The following BEST1 variants were observed in gnomAD, a reference collection of about 807,000 sequenced individuals.
The protein encoded by BEST1 is bestrophin-1.
In BEST1, 58 loss-of-function variants were observed where a neutral mutation model predicts 63.3. The ratio of observed to expected loss-of-function variants is 0.92; its 90% CI spans 0.74 to 1.14. The LOEUF (loss-of-function observed/expected upper bound fraction) is 1.14, where lower values mean the gene tolerates loss of function less well. Among genes scored for constraint, BEST1 ranks in the 50% most tolerant of loss-of-function variants. The probability of loss-of-function intolerance (pLI) is 0.00; values close to 1 mark genes in which losing one functional copy is unlikely to be tolerated. For missense variants in BEST1, 671 were observed against 740.1 expected (o/e 0.91, Z 1.08); for synonymous variants, 283 against 291.6 (o/e 0.97, Z 0.30).
intron 4 of BEST1, 90 bp downstream of exon 4, chr11:61,956,041 T>A (rs1193044578): frequency 7.9e-7 from 1 of 1,273,302 alleles, no homozygotes; most frequent in Non-Finnish European, 1.1e-6. Flanking sequence ...GGAGCCAAAG[T>A]CCCCCGGACT....
At chr11:61,957,965 C>T (rs1378224463) in intron 6 of BEST1, among the ~76,000 whole-genome samples, 181 bp from the exon 7 acceptor site, 4 of 130,414 alleles carry the variant, frequency 3.1e-5, no homozygotes, top group Admixed American at 7.9e-5. Context: ...CACAGCAAGA[C>T]TCTGTCTCAA....
At position 61,955,965 on chromosome 11, in the gene BEST1, G is replaced by T. The variant is rs1406799621; in HGVS notation, c.481+14G>T. ...TGGTGCAAGCAGGTGGGCGGACCGG[G>T]AGCAACGGGGAGGCACCGGGCAGAG... On this transcript the variant is annotated intron_variant, in intron 4 of 10. Coordinates refer to ENST00000378043, the MANE Select transcript of BEST1 (RefSeq NM_004183.4). 2 of 1,542,908 alleles carry T rather than the reference G, an allele frequency of 1.3e-6. No individual in the cohort carries two copies. The highest frequency in any genetic ancestry group is 4.9e-5 in the East Asian group (2 of 40,752).
intron 2 of BEST1, among the ~76,000 whole-genome samples, chr11:61,953,039 G>A (rs1940879431): frequency 6.6e-6 from 1 of 152,084 alleles, no homozygotes; most frequent in Non-Finnish European, 1.5e-5. Context: ...TGAGGTCGAG[G>A]CTGCAGTGAG....
chr11:61,950,728 A>T (rs1940565000), intron 1 of BEST1, among the ~76,000 whole-genome samples: 1 of 152,218 alleles, frequency 6.6e-6, no homozygotes, highest in South Asian at 2.1e-4. Flanking sequence ...TTCCATTCTG[A>T]GGAGGAAACA....
chr11:61,964,709 G>C, downstream of BEST1: 4 of 1,597,744 alleles, frequency 2.5e-6, no homozygotes, highest in Non-Finnish European at 3.4e-6. Context: ...CACGGCTATG[G>C]GGAAATTAGC....
rs1186840578 is a variant in BEST1 at position 61,962,636 on chromosome 11, CAT to C, written c.1484_1485del (p.Ile495ArgfsTer19). ...APSKLHSVTG[I>X]DTKDKSLKTV... ...CGTCAAAGCTTCACAGTGTCACAGG[CAT>C]AGACACCAAAGACAAAAGCTTAAAG... is the stretch of plus-strand genomic sequence containing the variant. On this transcript the variant is annotated frameshift_variant, in exon 10 of 11. Coordinates refer to ENST00000378043, the MANE Select transcript of BEST1 (RefSeq NM_004183.4). LOFTEE classifies it high-confidence loss of function. 1.9e-6 allele frequency: 3 copies of C among 1,614,218 alleles called. No individual in the cohort carries two copies. Among genetic ancestry groups the C allele is most frequent in the Non-Finnish European group, 2.5e-6 (3 of 1,180,046 alleles).
chr11:61,959,301 T>C (rs1941778512), intron 7 of BEST1, 197 bp from the exon 8 acceptor site: 1 of 633,948 alleles, frequency 1.6e-6, no homozygotes, highest in South Asian at 1.8e-5. Context: ...CTCAGAAGAG[T>C]TAGAGGGGCT....
rs1240325860 is a variant in BEST1 at position 61,955,102 on chromosome 11, C to T, written c.153-5C>T. The stretch of plus-strand genomic sequence containing the variant: ...ACACAATTCCACCCCCACCCCCACC[C>T]CCAGGCTGGCCCTCACGGAAGAACA... On this transcript the variant is annotated splice_region_variant and splice_polypyrimidine_tract_variant and intron_variant, in intron 2 of 10. Transcript: ENST00000378043. 6.2e-7 allele frequency: 1 copy of T among 1,614,154 alleles called. No individual in the cohort carries two copies.
At chr11:61,958,892 A>C in intron 7 of BEST1, 1 of 102,070 alleles carries the variant, frequency 9.8e-6, no homozygotes, top group South Asian at 1.4e-4. Context: ...ACACACACAC[A>C]CACACACACA....
chr11:61,958,127 A>ATCGTCCTCC lies in BEST1; in HGVS notation c.715-17_715-16insGTCCTCCTC, dbSNP rs1941593470. 7.3e-7 allele frequency: 1 copy of ATCGTCCTCC among 1,366,074 alleles called. No homozygotes were observed. The highest frequency in any genetic ancestry group is 1.5e-5 in the African/African-American group (1 of 68,792). 84.6% of individuals were successfully genotyped at this position (1,366,074 alleles called of 1,614,324 possible). A position where few individuals can be genotyped will look rare whatever the true frequency, so the allele number is the denominator to read the frequency against. On this transcript the variant is annotated intron_variant, in intron 6 of 10. Transcript: ENST00000378043. ...TTCCCACCTAGCCCTTTGCTACCAC[A>ATCGTCCTCC]TCCTCCTCCTCCTCCCAGGTGGTGA...
chr11:61,965,315 T>C (rs973797847), downstream of BEST1: 7 of 1,610,812 alleles, frequency 4.3e-6, no homozygotes, highest in African/African-American at 9.3e-5. Flanking sequence ...TGATTTCTGA[T>C]ACCCGAACAC....
At position 61,957,458 on chromosome 11, in the gene BEST1, T is replaced by C. The variant is rs145909071; in HGVS notation, c.708T>C (p.Tyr236=). Residue 236 remains tyrosine, a synonymous_variant, in exon 6 of 11, where the codon TAT becomes TAC. Transcript: ENST00000378043. ...ACTGGATTAGTATCCCACTGGTGTATACACAGGTGAGGACTAGGCTGGTGA... is the reference window on the plus strand; with the variant it reads ...ACTGGATTAGTATCCCACTGGTGTACACACAGGTGAGGACTAGGCTGGTGA... The part of the protein sequence containing the change: ...AYDWISIPLV[Y]TQVVTVAVYS... 7 of 1,614,016 alleles carry C rather than the reference T, an allele frequency of 4.3e-6. No individual in the cohort carries two copies. Among genetic ancestry groups the C allele is most frequent in the Non-Finnish European group, 3.4e-6 (4 of 1,179,916 alleles).
intron 7 of BEST1, chr11:61,958,575 A>C: frequency 1.3e-6 from 1 of 783,556 alleles, no homozygotes; most frequent in Non-Finnish European, 2.1e-6. Context: ...CAACAACAAC[A>C]ACAAAACAAA....
At chr11:61,963,922 C>G (rs1942336414) in intron 10 of BEST1, 182 bp from the exon 11 acceptor site, 7 of 1,413,974 alleles carry the variant, frequency 5.0e-6, no homozygotes, top group Non-Finnish European at 6.5e-6. Flanking sequence ...TGCTTGAACC[C>G]AGGAGGTGGT....
rs564712171 is a variant in BEST1, at chr11:61,952,090, G to C, written c.152+132G>C. The C allele has an allele frequency of 3.7e-5, 43 of 1,163,554 alleles. No individual in the cohort carries two copies. The South Asian group carries it at 5.4e-4, about 15-fold the overall frequency. The allele number at this position is 1,163,554 out of a possible 1,614,324, so 72.1% of individuals were successfully genotyped here. A position where few individuals can be genotyped will look rare whatever the true frequency, so the allele number is the denominator to read the frequency against. On this transcript the variant is annotated intron_variant, in intron 2 of 10. Coordinates refer to ENST00000378043, the MANE Select transcript of BEST1 (RefSeq NM_004183.4). ...CAAGACTAAGCTGAGCTCCTGACCAGGTCCTGGGCACTGGAGCTGAGGCTG... is the reference window on the plus strand; with the variant it reads ...CAAGACTAAGCTGAGCTCCTGACCACGTCCTGGGCACTGGAGCTGAGGCTG...
At position 61,951,869 on chromosome 11, in the gene BEST1, G is replaced by A; in HGVS notation, c.63G>A (p.Leu21=). 2 of 1,613,990 alleles carry A rather than the reference G, an allele frequency of 1.2e-6. No homozygotes were observed. Among genetic ancestry groups the A allele is most frequent in the Non-Finnish European group, 1.7e-6 (2 of 1,180,030 alleles). Residue 21 remains leucine (L), a synonymous_variant, in exon 2 of 11, where the codon CTG becomes CTA. Coordinates refer to ENST00000378043, the MANE Select transcript of BEST1 (RefSeq NM_004183.4). ...NARLGSFSRL[L]LCWRGSIYKL... is the part of the protein sequence containing the mutation. ...GCTTAGGCTCCTTCTCCCGCCTGCTGCTGTGCTGGCGGGGCAGCATCTACA... is the reference window on the plus strand; with the variant it reads ...GCTTAGGCTCCTTCTCCCGCCTGCTACTGTGCTGGCGGGGCAGCATCTACA...
At chr11:61,953,297 C>T (rs888576115) in intron 2 of BEST1, among the ~76,000 whole-genome samples, 1 of 152,068 alleles carries the variant, frequency 6.6e-6, no homozygotes, top group African/African-American at 2.4e-5. Flanking sequence ...AAGTTAGGGC[C>T]AGCCACAGGG....
intron 9 of BEST1, chr11:61,961,999 C>T (rs530550770): frequency 3.7e-5 from 20 of 545,302 alleles, no homozygotes; most frequent in Middle Eastern, 4.9e-4. Flanking sequence ...ACACGCCAGG[C>T]GGGGTGGTTG....
Position 61,964,103 on chromosome 11 carries a change from G to A in BEST1, c.1740-1G>A, listed in dbSNP as rs565942468. On this transcript the variant is annotated splice_acceptor_variant, in intron 10 of 10. Coordinates refer to ENST00000378043, the MANE Select transcript of BEST1 (RefSeq NM_004183.4). LOFTEE classifies it high-confidence loss of function. ...GCTGTTAATACTTTCATTCTCACTAGGGATGAAGCACATTCCTAACCTGCT... is the reference window on the plus strand; with the variant it reads ...GCTGTTAATACTTTCATTCTCACTAAGGATGAAGCACATTCCTAACCTGCT... 2 of 1,613,948 alleles carry A rather than the reference G, an allele frequency of 1.2e-6. No individual in the cohort carries two copies. Among genetic ancestry groups the A allele is most frequent in the East Asian group, 2.2e-5 (1 of 44,880 alleles).
Sources: allele counts gnomAD v4.1 joint callset (sites outside exome capture counted in the v4.1 genomes callset), GRCh38; gene constraint gnomAD v4.1.1; transcripts MANE v1.5; gene names NCBI Gene and HGNC (gene_info 2026-07-23, HGNC 2026-07-21).